BLOC1S2: variants seen among roughly 807,000 people sequenced by gnomAD.
The protein encoded by BLOC1S2 is biogenesis of lysosome-related organelles complex 1 subunit 2.
BLOC1S2 carries 12 observed loss-of-function variants against 19.6 expected under a neutral mutation model. The observed-to-expected ratio is 0.61, with a 90% CI of 0.39 to 0.99. BLOC1S2 has a LOEUF of 0.99. Among genes scored for constraint, BLOC1S2 ranks in the 50% least tolerant of loss-of-function variants. The pLI is 0.00. For synonymous variants in BLOC1S2, 66 were observed against 64.1 expected, an observed-to-expected ratio of 1.03 and a Z score of -0.14; for missense variants, 142 against 171.0, an observed-to-expected ratio of 0.83 and a Z score of 0.95.
chr10:100,280,690 C>A (rs184106731), intron 3 of BLOC1S2, among the ~76,000 whole-genome samples: 111 of 152,270 alleles, frequency 7.3e-4, no homozygotes, highest in Middle Eastern at 3.4e-3. Context: ...TCTGGCCACC[C>A]TTCCTTTGCC....
chr10:100,280,088 T>G, intron 4 of BLOC1S2, 36 bp downstream of exon 4: 1 of 1,523,654 alleles, frequency 6.6e-7, no homozygotes, highest in Non-Finnish European at 9.1e-7. Context: ...CAAGAAGCAG[T>G]CTTTATTACA....
At chr10:100,283,137 A>G (rs910154123) in intron 2 of BLOC1S2, among the ~76,000 whole-genome samples, 1 of 152,170 alleles carries the variant, frequency 6.6e-6, no homozygotes, top group Non-Finnish European at 1.5e-5. Context: ...TGATGGCACC[A>G]CCCAGGCTTA....
intron 4 of BLOC1S2, among the ~76,000 whole-genome samples, chr10:100,275,716 G>A (rs1847832335): frequency 6.6e-6 from 1 of 152,152 alleles, no homozygotes; most frequent in Non-Finnish European, 1.5e-5. Context: ...ACAGGTTCAC[G>A]AAGTCCTCAC....
intron 2 of BLOC1S2, chr10:100,283,037 C>T (rs1445250891): frequency 2.5e-6 from 1 of 398,168 alleles, no homozygotes; most frequent in East Asian, 3.6e-5. Context: ...TACAAGTCAC[C>T]TGAGTTCCCT....
At chr10:100,284,032 AT>A (rs1174088732) in intron 2 of BLOC1S2, among the ~76,000 whole-genome samples, 3 of 152,226 alleles carry the variant, frequency 2.0e-5, no homozygotes, top group Non-Finnish European at 4.4e-5. Flanking sequence ...TTCTTGCAAT[AT>A]GCAATCCTCT....
At chr10:100,277,853 C>T (rs867166883) in intron 4 of BLOC1S2, among the ~76,000 whole-genome samples, 235 of 123,192 alleles carry the variant, frequency 1.9e-3, no homozygotes, top group African/African-American at 7.0e-3. Flanking sequence ...GCCCCCCGCC[C>T]GGCCAGCCGC....
chr10:100,283,288 A>T (rs1361662775), intron 2 of BLOC1S2, among the ~76,000 whole-genome samples: 2 of 152,026 alleles, frequency 1.3e-5, no homozygotes, highest in African/African-American at 4.8e-5. Flanking sequence ...GATCTTCATT[A>T]CTTTTCTTTT....
At chr10:100,281,890 G>T (rs529811989) in intron 2 of BLOC1S2, among the ~76,000 whole-genome samples, 1 of 152,028 alleles carries the variant, frequency 6.6e-6, no homozygotes, top group South Asian at 2.1e-4. Flanking sequence ...AAAGCAAATG[G>T]TCTCTACTCC....
At chr10:100,276,604 T>A (rs1318454478) in intron 4 of BLOC1S2, among the ~76,000 whole-genome samples, 1 of 150,670 alleles carries the variant, frequency 6.6e-6, no homozygotes, top group Non-Finnish European at 1.5e-5. Flanking sequence ...CCTCCCTGCC[T>A]GATTCTCCTG....
intron 2 of BLOC1S2, among the ~76,000 whole-genome samples, chr10:100,285,608 G>T (rs1009588072): frequency 6.6e-6 from 1 of 152,152 alleles, no homozygotes; most frequent in African/African-American, 2.4e-5. Flanking sequence ...ACTTGGAAAC[G>T]ATCAAACACT....
chr10:100,278,595 G>A (rs1413519187), intron 4 of BLOC1S2, among the ~76,000 whole-genome samples: 6 of 152,140 alleles, frequency 3.9e-5, no homozygotes, highest in African/African-American at 1.2e-4. Context: ...GATTAAGGGC[G>A]GTGCAAGATG....
intron 3 of BLOC1S2, 59 bp downstream of exon 3, chr10:100,280,874 GC>G: frequency 6.5e-7 from 1 of 1,527,648 alleles, no homozygotes; most frequent in Non-Finnish European, 8.8e-7. Flanking sequence ...CTTCTCCATG[GC>G]CCCAAGCACA....
intron 4 of BLOC1S2, among the ~76,000 whole-genome samples, chr10:100,278,328 G>A (rs1416390441): frequency 1.3e-5 from 2 of 152,198 alleles, no homozygotes; most frequent in Non-Finnish European, 2.9e-5. Context: ...CCGTCTGGGA[G>A]GTGTACCCAA....
intron 2 of BLOC1S2, chr10:100,282,835 T>C (rs1057329553): frequency 1.0e-5 from 4 of 398,452 alleles, no homozygotes; most frequent in African/African-American, 6.2e-5. Flanking sequence ...CTAGGTACTT[T>C]AAGTGTTACT....
At chr10:100,277,028 GC>G (rs1471303719) in intron 4 of BLOC1S2, among the ~76,000 whole-genome samples, 27 of 139,102 alleles carry the variant, frequency 1.9e-4, no homozygotes, top group Non-Finnish European at 3.5e-4. Context: ...GAGCGTCTCT[GC>G]CCGGCCGCCA....
intron 4 of BLOC1S2, among the ~76,000 whole-genome samples, chr10:100,277,776 C>G (rs1356016615): frequency 4.6e-5 from 6 of 129,282 alleles, no homozygotes; most frequent in Non-Finnish European, 1.0e-4. Flanking sequence ...CTGGCCGCCC[C>G]TACTGGGAAG....
At chr10:100,281,182 C>G (rs1848092951) in intron 2 of BLOC1S2, 129 bp from the exon 3 acceptor site, 6 of 1,063,860 alleles carry the variant, frequency 5.6e-6, no homozygotes, top group Non-Finnish European at 8.2e-6. Flanking sequence ...CACTTTTGAT[C>G]TATGACATTT....
chr10:100,276,771 C>G (rs1351526056), intron 4 of BLOC1S2, among the ~76,000 whole-genome samples: 2 of 151,244 alleles, frequency 1.3e-5, no homozygotes, highest in South Asian at 4.2e-4. Context: ...CCCGAGGTGC[C>G]GGGATTGCAG....
intron 2 of BLOC1S2, among the ~76,000 whole-genome samples, chr10:100,283,874 CTAAA>C: frequency 6.6e-6 from 1 of 152,120 alleles, no homozygotes; most frequent in East Asian, 1.9e-4. Context: ...AAAACTCCGT[CTAAA>C]TAAAATAAAA....
Sources: allele counts gnomAD v4.1 joint callset (sites outside exome capture counted in the v4.1 genomes callset), GRCh38; gene constraint gnomAD v4.1.1; transcripts MANE v1.5; gene names NCBI Gene and HGNC (gene_info 2026-07-23, HGNC 2026-07-21).